UBTF: variants seen among roughly 807,000 people sequenced by gnomAD.
UBTF encodes nucleolar transcription factor 1.
Under a neutral mutation model 112.3 loss-of-function variants are expected in UBTF, and 8 were observed. The ratio of observed to expected loss-of-function variants is 0.07; its 90% CI spans 0.04 to 0.13. UBTF has a LOEUF of 0.13. Among genes scored for constraint, UBTF ranks in the 10% least tolerant of loss-of-function variants. The probability of loss-of-function intolerance (pLI) is 1.00; values close to 1 mark genes in which losing one functional copy is unlikely to be tolerated. For missense variants in UBTF, 457 were observed against 982.1 expected (o/e 0.47, Z 7.15); for synonymous variants, 417 against 373.1 (o/e 1.12, Z -1.36).
rs200750648 is a variant in UBTF, at chr17:44,212,021, G to A, written c.772-15C>T. The A allele has an allele frequency of 6.8e-6, 11 of 1,611,640 alleles. No individual in the cohort carries two copies. The South Asian group carries it at 7.7e-5, about 11-fold the overall frequency. On this transcript the variant is annotated splice_polypyrimidine_tract_variant and intron_variant, in intron 8 of 20. Coordinates refer to ENST00000436088, the MANE Select transcript of UBTF (RefSeq NM_014233.4). ...CTCATGATCTCCTGCAGAGCCAGGT[G>A]GGGGGACGGAGGGCAATGGGGTGTG...
chr17:44,215,131 C>T (rs138211556), intron 5 of UBTF, among the ~76,000 whole-genome samples: 11 of 152,316 alleles, frequency 7.2e-5, no homozygotes, highest in African/African-American at 2.4e-4. Context: ...CACAGGTGGA[C>T]GTGGCAGTAA....
rs1245901695 is a variant in UBTF, at chr17:44,210,305, C to T, written c.1515+13G>A. The T allele has an allele frequency of 6.2e-7, 1 of 1,614,238 alleles. No homozygotes were observed. Among genetic ancestry groups the T allele is most frequent in the South Asian group, 1.1e-5 (1 of 91,084 alleles). ...CTAGAGGCTGCAGTACTACCCTTTC[C>T]CACCCCTGTCACCTTGAAGCGGGCC... On this transcript the variant is annotated intron_variant, in intron 14 of 20. Coordinates refer to ENST00000436088, the MANE Select transcript of UBTF (RefSeq NM_014233.4).
chr17:44,216,167 C>G lies in UBTF; in HGVS notation c.235-178G>C. 9.4e-6 allele frequency: 6 copies of G among 638,298 alleles called. No homozygotes were observed. In the South Asian group the frequency reaches 1.1e-4, roughly 12 times the overall value. 39.5% of individuals were successfully genotyped at this position (638,298 alleles called of 1,614,324 possible). A position where few individuals can be genotyped will look rare whatever the true frequency, so the allele number is the denominator to read the frequency against. On this transcript the variant is annotated intron_variant, in intron 3 of 20. Coordinates refer to ENST00000436088, the MANE Select transcript of UBTF (RefSeq NM_014233.4). ...CATGACACCCAGGCACTGGCCCATGCCTACCGCAGAGGCCCAGGCAGTCAG... is the reference window on the plus strand; with the variant it reads ...CATGACACCCAGGCACTGGCCCATGGCTACCGCAGAGGCCCAGGCAGTCAG...
At chr17:44,220,165 C>T (rs1014127578), upstream of UBTF, among the ~76,000 whole-genome samples, 27 of 151,714 alleles carry the variant, frequency 1.8e-4, no homozygotes, top group Non-Finnish European at 1.3e-4. Context: ...CGGGCGGGCG[C>T]CGAGAGCGAC....
chr17:44,209,400 G>T lies in UBTF; in HGVS notation c.1857C>A (p.Ala619=). Reference sequence around the variant, plus strand: ...CCTTGTACTGCTTTTGCTGCTCCTCGGCCAGCTTTTTGTAGTGCTCCTTCT... The same window carrying T: ...CCTTGTACTGCTTTTGCTGCTCCTCTGCCAGCTTTTTGTAGTGCTCCTTCT... The part of the protein sequence containing the change: ...QSQKEHYKKL[A]EEQQKQYKVH... Residue 619 remains alanine (A), a synonymous_variant, in exon 17 of 21, where the codon GCC becomes GCA. Transcript: ENST00000436088. 2 of 1,613,716 alleles carry T rather than the reference G, an allele frequency of 1.2e-6. No homozygotes were observed. Among genetic ancestry groups the T allele is most frequent in the South Asian group, 2.2e-5 (2 of 91,048 alleles).
Position 44,211,791 on chromosome 17 carries a change from G to A in UBTF, c.906-44C>T, listed in dbSNP as rs1008503738. Reference sequence around the variant, plus strand: ...GAGAGGTGCAGCCCGTAAGCGAGCAGGGCAGCAGGCCTTCTCACCTGCAGA... The same window carrying A: ...GAGAGGTGCAGCCCGTAAGCGAGCAAGGCAGCAGGCCTTCTCACCTGCAGA... On this transcript the variant is annotated intron_variant, in intron 9 of 20. Transcript: ENST00000436088. The surrounding 1 kb of genome is among the most constrained non-coding windows in gnomAD (Gnocchi z 4.9). The A allele has an allele frequency of 8.8e-6, 14 of 1,599,828 alleles. No individual in the cohort carries two copies. The Admixed American group carries it at 1.5e-4, about 17-fold the overall frequency.
At chr17:44,214,534 C>T (rs552201979) in intron 5 of UBTF, among the ~76,000 whole-genome samples, 1 of 152,310 alleles carries the variant, frequency 6.6e-6, no homozygotes, top group East Asian at 1.9e-4. Context: ...GCCTCTCCCT[C>T]CCATCCCATG....
At position 44,212,360 on chromosome 17, in the gene UBTF, T is replaced by C. The variant is rs1792847216; in HGVS notation, c.755A>G (p.Gln252Arg). The C allele has an allele frequency of 1.2e-6, 2 of 1,613,078 alleles. No homozygotes were observed. The highest frequency in any genetic ancestry group is 1.3e-5 in the African/African-American group (1 of 74,866). ...AAGCCTAACCTCGTACTCCTTCCGC[T>C]GCTCCAGGGCCTTATGAATCCATTT... ...RLKWIHKALE[Q>R]RKEYEEIMRD... is the part of the protein sequence containing the mutation. The change falls in exon 8 of 21, where the codon CAG (glutamine) becomes CGG (arginine). Residue 252 changes from glutamine (Q) to arginine (R), a missense_variant. Around this residue, in one of 7 missense-constraint regions of UBTF, gnomAD observed 87 missense variants for 286.6 expected, o/e 0.30. Transcript: ENST00000436088.
rs1156599661 is a variant in UBTF at position 44,211,388 on chromosome 17, C to T, written c.1048-57G>A. 10 of 1,607,498 alleles carry T rather than the reference C, an allele frequency of 6.2e-6. No individual in the cohort carries two copies. The East Asian group carries it at 1.8e-4, about 29-fold the overall frequency. On this transcript the variant is annotated intron_variant, in intron 10 of 20. Transcript: ENST00000436088. This position sits in a 1 kb window ranked among gnomAD's most constrained non-coding sequence, Gnocchi z 4.9. ...GGAGACAGTGTCACCACAGACCCTG[C>T]AGTACTCGGAGGACAGTGACCTTCA...
chr17:44,213,311 AG>A (rs1219818815), intron 5 of UBTF, 29 bp from the exon 6 acceptor site: 1 of 1,607,358 alleles, frequency 6.2e-7, no homozygotes, highest in East Asian at 2.2e-5. Flanking sequence ...GGGGTCACTC[AG>A]GACCCAAGGG....
upstream of UBTF, chr17:44,220,741 G>A (rs569566625): frequency 6.6e-6 from 1 of 152,096 alleles, no homozygotes; most frequent in African/African-American, 2.4e-5. Context: ...CTCACTTACC[G>A]AGCGTGTGGA....
At position 44,211,195 on chromosome 17, in the gene UBTF, A is replaced by G; in HGVS notation, c.1090-43T>C. 6.2e-7 allele frequency: 1 copy of G among 1,612,614 alleles called. No individual in the cohort carries two copies. The highest frequency in any genetic ancestry group is 1.1e-5 in the South Asian group (1 of 91,062). On this transcript the variant is annotated intron_variant, in intron 11 of 20. Transcript: ENST00000436088. This position sits in a 1 kb window ranked among gnomAD's most constrained non-coding sequence, Gnocchi z 4.9. The stretch of plus-strand genomic sequence containing the variant: ...GCACGGGGCTGCATGCCTGGCACCC[A>G]GACTGCATGGTGCCCTATCTCCAGG...
chr17:44,206,858 C>G lies in UBTF; in HGVS notation c.*384G>C. 1 of 302,894 alleles carries G rather than the reference C, an allele frequency of 3.3e-6. No homozygotes were observed. The highest frequency in any genetic ancestry group is 5.6e-5 in the East Asian group (1 of 17,758). 18.8% of individuals were successfully genotyped at this position (302,894 alleles called of 1,614,324 possible). On this transcript the variant is annotated 3_prime_UTR_variant, in exon 21 of 21. Coordinates refer to ENST00000436088, the MANE Select transcript of UBTF (RefSeq NM_014233.4). ...ATGGGTCTTCCCCAAGCTTCCACCCCACCTTGGATTGGGCCGCAGGTGTGG... is the reference window on the plus strand; with the variant it reads ...ATGGGTCTTCCCCAAGCTTCCACCCGACCTTGGATTGGGCCGCAGGTGTGG...
At chr17:44,213,083 A>G (rs2056799201) in intron 6 of UBTF, 135 bp downstream of exon 6, 10 of 1,532,726 alleles carry the variant, frequency 6.5e-6, no homozygotes, top group Non-Finnish European at 8.9e-6. Flanking sequence ...GTCCCTGAGC[A>G]TGACACACTA....
chr17:44,212,492 A>C, intron 7 of UBTF, 38 bp from the exon 8 acceptor site: 1 of 207,422 alleles, frequency 4.8e-6, no homozygotes, highest in Non-Finnish European at 9.0e-6. Context: ...ACAGGCAGCC[A>C]GGGGCAGGGG....
chr17:44,210,007 A>ATC, intron 15 of UBTF, 117 bp downstream of exon 15: 1 of 1,085,390 alleles, frequency 9.2e-7, no homozygotes, highest in Non-Finnish European at 1.4e-6. Flanking sequence ...TCAGAGAAGG[A>ATC]AGCTGAGACT....
chr17:44,212,146 G>GTGCCC (rs2056725339), intron 8 of UBTF, 140 bp from the exon 9 acceptor site: 1 of 669,062 alleles, frequency 1.5e-6, no homozygotes, highest in Non-Finnish European at 2.4e-6. Context: ...ACGAGACGTG[G>GTGCCC]TGCCCTGCCC....
At position 44,207,097 on chromosome 17, in the gene UBTF, CG is replaced by C; in HGVS notation, c.*144del. 1.2e-6 allele frequency: 1 copy of C among 864,376 alleles called. No homozygotes were observed. The highest frequency in any genetic ancestry group is 1.7e-6 in the Non-Finnish European group (1 of 574,472). The allele number at this position is 864,376 out of a possible 1,614,324, so 53.5% of individuals were successfully genotyped here. A position where few individuals can be genotyped will look rare whatever the true frequency, so the allele number is the denominator to read the frequency against. ...GGCTCCTCCAGCCCCCTACCCCCAC[CG>C]TATTTTTTTTTTTTTTTAAAGAAAG... is the stretch of plus-strand genomic sequence containing the variant. On this transcript the variant is annotated 3_prime_UTR_variant, in exon 21 of 21. Coordinates refer to ENST00000436088, the MANE Select transcript of UBTF (RefSeq NM_014233.4).
intron 5 of UBTF, 94 bp downstream of exon 5, chr17:44,215,560 C>T (rs1199661438): frequency 1.3e-6 from 2 of 1,503,860 alleles, no homozygotes; most frequent in South Asian, 2.4e-5. Context: ...ATCCCTGATG[C>T]CAGGTTTCTC....
Sources: gnomAD v4.1 joint callset for allele counts (sites outside exome capture counted in the v4.1 genomes callset) on GRCh38, gnomAD v4.1.1 for gene constraint, gnomAD v4.1.1 regional missense constraint, Gnocchi (gnomAD v3.1) non-coding constraint, MANE v1.5 for transcripts, NCBI Gene and HGNC (gene_info 2026-07-23, HGNC 2026-07-21) for gene names.